The following CRHR2 variants were observed in gnomAD, a reference collection of about 807,000 sequenced individuals.
CRHR2 encodes corticotropin releasing hormone receptor 2.
In CRHR2, 53 loss-of-function variants were observed where a neutral mutation model predicts 57.9. The ratio of observed to expected loss-of-function variants is 0.92; its 90% CI spans 0.73 to 1.15. CRHR2 has a LOEUF of 1.15. Among genes scored for constraint, CRHR2 ranks in the 50% most tolerant of loss-of-function variants. CRHR2 has a pLI of 0.00. For missense variants in CRHR2, 532 were observed against 542.6 expected (o/e 0.98, Z 0.19); for synonymous variants, 213 against 220.9 (o/e 0.96, Z 0.32).
intron 1 of CRHR2, among the ~76,000 whole-genome samples, chr7:30,697,330 A>G (rs1328948449): frequency 6.6e-6 from 1 of 152,176 alleles, no homozygotes; most frequent in African/African-American, 2.4e-5. Context: ...AAGGAGCTGG[A>G]CTTAGTCAGC....
At chr7:30,657,023 G>A (rs888716257) in intron 8 of CRHR2, among the ~76,000 whole-genome samples, 18 of 152,064 alleles carry the variant, frequency 1.2e-4, no homozygotes, top group African/African-American at 3.4e-4. Context: ...AGTGCTCGTG[G>A]GCCAGAGGGA....
At chr7:30,684,894 A>T (rs1457097999), upstream of CRHR2, among the ~76,000 whole-genome samples, 1 of 152,256 alleles carries the variant, frequency 6.6e-6, no homozygotes, top group Non-Finnish European at 1.5e-5. Context: ...GTACAAACAA[A>T]CAAAGACAGG....
At chr7:30,655,002 G>A in intron 11 of CRHR2, 37 bp downstream of exon 11, 1 of 1,607,722 alleles carries the variant, frequency 6.2e-7, no homozygotes. Flanking sequence ...CTGAGGACCT[G>A]GATATCCCAG....
chr7:30,676,102 C>T (rs941804281), intron 2 of CRHR2, among the ~76,000 whole-genome samples: 3 of 152,200 alleles, frequency 2.0e-5, no homozygotes, highest in Non-Finnish European at 4.4e-5. Context: ...GAACTCTGAG[C>T]AGCTGTGTTT....
intron 1 of CRHR2, among the ~76,000 whole-genome samples, chr7:30,691,867 GGGA>G (rs1784967787): frequency 6.6e-6 from 1 of 152,160 alleles, no homozygotes; most frequent in African/African-American, 2.4e-5. Flanking sequence ...TGGGTGGGCA[GGGA>G]GGAGGAGGAA....
At position 30,655,710 on chromosome 7, in the gene CRHR2, G is replaced by C. The variant is rs780046086; in HGVS notation, c.923C>G (p.Ala308Gly). ...CAGGAGCACCAGGGTGGCCTTCACT[G>C]CCTTCCTGGGGGCGAGAGGTGGACA... ...TTSETIQYRK[A>G]VKATLVLLPL... is the part of the protein sequence containing the mutation. The change falls in exon 10 of 12, where the codon GCA (alanine) becomes GGA (glycine). Residue 308 changes from alanine to glycine, a missense_variant. Coordinates refer to ENST00000471646, the MANE Select transcript of CRHR2 (RefSeq NM_001883.5). 11 of 1,613,326 alleles carry C rather than the reference G, an allele frequency of 6.8e-6. No homozygotes were observed. Among genetic ancestry groups the C allele is most frequent in the South Asian group, 6.6e-5 (6 of 90,968 alleles).
At chr7:30,681,892 C>G (rs1414329018) in intron 2 of CRHR2, 23 bp downstream of exon 2, 2 of 1,603,382 alleles carry the variant, frequency 1.2e-6, no homozygotes, top group South Asian at 2.2e-5. Context: ...GTAGAGCAGG[C>G]AGCGAGGGCC....
rs1784745971 is a variant in CRHR2, at chr7:30,682,302, G to A, written c.-22C>T. The A allele has an allele frequency of 1.3e-6, 2 of 1,543,918 alleles. No individual in the cohort carries two copies. The highest frequency in any genetic ancestry group is 8.7e-7 in the Non-Finnish European group (1 of 1,152,308). Reference sequence around the variant, plus strand: ...CCATCGCGTCCCGCAGCCGCGTGCGGAGAGGGAGTGGGAGTGCGCGCCCGG... The same window carrying A: ...CCATCGCGTCCCGCAGCCGCGTGCGAAGAGGGAGTGGGAGTGCGCGCCCGG... On this transcript the variant is annotated 5_prime_UTR_variant, in exon 1 of 12. Coordinates refer to ENST00000471646, the MANE Select transcript of CRHR2 (RefSeq NM_001883.5).
chr7:30,658,678 G>A (rs193266924), intron 8 of CRHR2, among the ~76,000 whole-genome samples: 32 of 152,354 alleles, frequency 2.1e-4, no homozygotes, highest in Non-Finnish European at 4.0e-4. Flanking sequence ...TAACCACAGA[G>A]CTTGCCTTAG....
At chr7:30,683,746 T>A (rs1784796644), upstream of CRHR2, among the ~76,000 whole-genome samples, 2 of 152,154 alleles carry the variant, frequency 1.3e-5, no homozygotes, top group Admixed American at 6.5e-5. Flanking sequence ...GACATACATG[T>A]GTGTTGTGTG....
At chr7:30,681,780 T>A (rs1192368001) in intron 2 of CRHR2, 135 bp downstream of exon 2, 4 of 1,320,286 alleles carry the variant, frequency 3.0e-6, no homozygotes, top group African/African-American at 1.5e-5. Flanking sequence ...CTGTAAGGGG[T>A]CCTTAACGCC....
upstream of CRHR2, chr7:30,682,515 C>T (rs1784758762): frequency 7.9e-7 from 1 of 1,265,448 alleles, no homozygotes; most frequent in Non-Finnish European, 9.9e-7. Context: ...AGCCGCTCCG[C>T]CGCGGCCAAT....
At position 30,655,660 on chromosome 7, in the gene CRHR2, G is replaced by A. The variant is rs1783754466; in HGVS notation, c.973C>T (p.Leu325Phe). 2 of 1,614,066 alleles carry A rather than the reference G, an allele frequency of 1.2e-6. No homozygotes were observed. Among genetic ancestry groups the A allele is most frequent in the East Asian group, 2.2e-5 (1 of 44,902 alleles). The change falls in exon 10 of 12, where the codon CTC (leucine) becomes TTC (phenylalanine). Residue 325 changes from leucine to phenylalanine, a missense_variant. Physicochemically the swap from Leu to Phe is conservative, Grantham distance 22. Coordinates refer to ENST00000471646, the MANE Select transcript of CRHR2 (RefSeq NM_001883.5). The part of the protein sequence containing the change: ...LLPLLGITYM[L>F]FFVNPGEDDL... ...TCCTCCCCGGGATTGACGAAGAAGA[G>A]CATGTAGGTGATGCCCAGGAGGGGC...
At chr7:30,678,266 C>T (rs59852846) in intron 2 of CRHR2, among the ~76,000 whole-genome samples, 3,047 of 152,316 alleles carry the variant, frequency 0.02, 119 homozygotes, top group African/African-American at 0.07. Context: ...TGTTCTGTTA[C>T]AAGTGACTTC....
intron 6 of CRHR2, 143 bp downstream of exon 6, chr7:30,662,551 T>A: frequency 1.0e-6 from 1 of 969,344 alleles, no homozygotes; most frequent in Admixed American, 2.7e-5. Flanking sequence ...CTCACCAGCA[T>A]GGAGGGAAGT....
At chr7:30,670,723 C>T (rs773039269) in intron 2 of CRHR2, among the ~76,000 whole-genome samples, 6 of 152,216 alleles carry the variant, frequency 3.9e-5, no homozygotes, top group East Asian at 1.9e-4. Flanking sequence ...GAAACGTAGA[C>T]GGATGGGCAC....
upstream of CRHR2, among the ~76,000 whole-genome samples, chr7:30,683,634 C>T (rs1485336642): frequency 3.3e-5 from 5 of 152,214 alleles, no homozygotes; most frequent in Non-Finnish European, 7.3e-5. Context: ...AGGATGCTTG[C>T]CCTCTCTTCT....
intron 11 of CRHR2, among the ~76,000 whole-genome samples, chr7:30,654,466 AG>A (rs1157362782): frequency 2.0e-5 from 3 of 152,120 alleles, no homozygotes; most frequent in African/African-American, 7.2e-5. Context: ...CCCAGGCCCT[AG>A]GGGCTGTGTC....
intron 1 of CRHR2, among the ~76,000 whole-genome samples, chr7:30,694,074 G>C (rs1359965904): frequency 6.6e-6 from 1 of 152,196 alleles, no homozygotes; most frequent in Non-Finnish European, 1.5e-5. Flanking sequence ...TTCAGAGCCT[G>C]GCACACAGCA....
Sources: gnomAD v4.1 joint callset for allele counts (sites outside exome capture counted in the v4.1 genomes callset) on GRCh38, gnomAD v4.1.1 for gene constraint, MANE v1.5 for transcripts, NCBI Gene and HGNC (gene_info 2026-07-23, HGNC 2026-07-21) for gene names.